GLI3: variants seen among roughly 807,000 people sequenced by gnomAD.
The protein encoded by GLI3 is transcription activator GLI3.
In GLI3, 20 loss-of-function variants were observed where a neutral mutation model predicts 100.8. The ratio of observed to expected loss-of-function variants is 0.20; its 90% CI spans 0.14 to 0.29. The LOEUF is 0.29. GLI3 is among the 10% of genes least tolerant of loss of function. The probability of loss-of-function intolerance (pLI) is 1.00; values close to 1 mark genes in which losing one functional copy is unlikely to be tolerated. For synonymous variants in GLI3, 938 were observed against 860.5 expected, an observed-to-expected ratio of 1.09 and a Z score of -1.58; for missense variants, 2,040 against 2,128.5, an observed-to-expected ratio of 0.96 and a Z score of 0.82.
In GLI3 at chr7:41,978,726, T is replaced by A; in HGVS notation, c.1520A>T (p.His507Leu). 1 of 1,614,022 alleles carries A rather than the reference T, an allele frequency of 6.2e-7. No homozygotes were observed. The highest frequency in any genetic ancestry group is 8.5e-7 in the Non-Finnish European group (1 of 1,179,858). The change falls in exon 11 of 15, where the codon CAT becomes CTT. Residue 507 changes from histidine to leucine, a missense_variant. Coordinates refer to ENST00000395925, the MANE Select transcript of GLI3 (RefSeq NM_000168.6). ...GCACACGAACTCCTTCTTCTCTCCA[T>A]GAATATGGTCGTTATTTATATGCTG... is the stretch of plus-strand genomic sequence containing the variant. The part of the protein sequence containing the change: ...LVHHINNDHI[H>L]GEKKEFVCRW...
intron 1 of GLI3, among the ~76,000 whole-genome samples, chr7:42,231,129 A>G (rs1169783122): frequency 2.0e-5 from 3 of 152,224 alleles, no homozygotes; most frequent in Non-Finnish European, 4.4e-5. Context: ...AGTAAGGCTT[A>G]AGGGAGTATA....
intron 3 of GLI3, among the ~76,000 whole-genome samples, chr7:42,115,766 CAG>C (rs973157175): frequency 3.9e-5 from 6 of 152,140 alleles, no homozygotes; most frequent in African/African-American, 1.4e-4. Context: ...CACAGGTATG[CAG>C]AGTCAGTTTT....
intron 4 of GLI3, among the ~76,000 whole-genome samples, chr7:42,076,247 A>G (rs994527000): frequency 3.3e-5 from 5 of 152,168 alleles, no homozygotes; most frequent in African/African-American, 1.2e-4. Context: ...TCTGTAAACC[A>G]TGTGCTCGAT....
intron 3 of GLI3, among the ~76,000 whole-genome samples, chr7:42,118,780 A>G (rs1320208003): frequency 6.6e-6 from 1 of 152,208 alleles, no homozygotes; most frequent in Non-Finnish European, 1.5e-5. Flanking sequence ...TTGACACAGT[A>G]AGCATAGAAT....
rs1789109439 is a variant in GLI3, at chr7:42,026,252, G to C, written c.1189C>G (p.Pro397Ala). 1 of 1,614,046 alleles carries C rather than the reference G, an allele frequency of 6.2e-7. No individual in the cohort carries two copies. Among genetic ancestry groups the C allele is most frequent in the East Asian group, 2.2e-5 (1 of 44,874 alleles). ...ACCTGGACGGGGTTCAGAACCGTAG[G>C]GATCCCTGGAATAGGCCTCTGTGTT... ...FPTQRPIPGI[P>A]TVLNPVQVSS... The change falls in exon 8 of 15, where the codon CCT becomes GCT. Residue 397 changes from proline to alanine, a missense_variant. This residue lies in a region of GLI3 where 603 missense variants were observed against 690.9 expected (regional missense o/e 0.87). Coordinates refer to ENST00000395925, the MANE Select transcript of GLI3 (RefSeq NM_000168.6).
intron 2 of GLI3, among the ~76,000 whole-genome samples, chr7:42,201,891 G>A (rs527673967): frequency 1.0e-3 from 154 of 152,174 alleles, no homozygotes; most frequent in African/African-American, 3.5e-3. Flanking sequence ...AGACCATCTT[G>A]GCCAACATAG....
At chr7:42,016,055 G>T (rs144081528) in intron 10 of GLI3, among the ~76,000 whole-genome samples, 94 of 152,178 alleles carry the variant, frequency 6.2e-4, no homozygotes, top group African/African-American at 2.2e-3. Context: ...CCACTATAAA[G>T]AACTGGCATC....
intron 1 of GLI3, among the ~76,000 whole-genome samples, chr7:42,252,592 G>T (rs1014535226): frequency 6.6e-6 from 1 of 152,140 alleles, no homozygotes; most frequent in African/African-American, 2.4e-5. Context: ...GAGCAAGCTG[G>T]ATAGAATTTG....
chr7:42,173,769 G>A (rs1037673432), intron 2 of GLI3, among the ~76,000 whole-genome samples: 16 of 152,162 alleles, frequency 1.1e-4, no homozygotes, highest in East Asian at 1.9e-4. Context: ...CTGCAACAGG[G>A]GAGTTACCCA....
At chr7:42,004,947 AT>A (rs1583780026) in intron 10 of GLI3, among the ~76,000 whole-genome samples, 1 of 152,230 alleles carries the variant, frequency 6.6e-6, no homozygotes, top group Admixed American at 6.5e-5. Flanking sequence ...AACAATCCAA[AT>A]TAGGAACAAA....
intron 7 of GLI3, among the ~76,000 whole-genome samples, chr7:42,029,751 A>G (rs922066079): frequency 6.6e-6 from 1 of 152,072 alleles, no homozygotes. Flanking sequence ...ACCTCCTCAG[A>G]GGGGCCTTCT....
intron 4 of GLI3, among the ~76,000 whole-genome samples, chr7:42,062,913 A>G (rs867896736): frequency 2.6e-5 from 4 of 152,190 alleles, no homozygotes; most frequent in Non-Finnish European, 5.9e-5. Context: ...GTATGACTGA[A>G]TATTTTTCAT....
rs1469575834 is a variant in GLI3, at chr7:42,254,117, G to A, written c.-43+9877C>T. On this transcript the variant is annotated intron_variant, in intron 1 of 2. Transcript: ENST00000678978. ...GCCTGTAATCCCAACTACTCAGGAG[G>A]TTGAGGCAAGAGAATCACCTGAACC... 4.6e-5 allele frequency among the ~76,000 whole-genome samples: 7 copies of A among 151,556 alleles called. No homozygotes were observed. In the East Asian group the frequency reaches 1.2e-3, roughly 25 times the overall value.
rs534259103 is a variant in GLI3, at chr7:42,049,483, T to C, written c.474-787A>G. On this transcript the variant is annotated intron_variant, in intron 4 of 14. Transcript: ENST00000395925. ...CGTTCAGTGAGCAGTAGCAACTAAG[T>C]GCTCCCGGGTTAGAAAGTTGGGGAA... Among the ~76,000 whole-genome samples the C allele has an allele frequency of 2.0e-5, 3 of 152,348 alleles. No individual in the cohort carries two copies. In the East Asian group the frequency reaches 5.8e-4, roughly 29 times the overall value.
chr7:42,218,380 T>A (rs750447557), intron 2 of GLI3, among the ~76,000 whole-genome samples: 12 of 151,558 alleles, frequency 7.9e-5, no homozygotes, highest in Non-Finnish European at 1.5e-4. Context: ...GCCATCTGAC[T>A]CCCAGCTAGA....
rs780590855 is a variant in GLI3 at position 42,023,626 on chromosome 7, G to C, written c.1357-18C>G. 2.5e-6 allele frequency: 4 copies of C among 1,595,324 alleles called. No homozygotes were observed. The highest frequency in any genetic ancestry group is 2.7e-5 in the African/African-American group (2 of 74,608). On this transcript the variant is annotated intron_variant, in intron 9 of 14. Coordinates refer to ENST00000395925, the MANE Select transcript of GLI3 (RefSeq NM_000168.6). ...GGCTGTTCCTGAAAGAAGAGGGTGG[G>C]GGGCAGGGAACAGAGAAGGGGGAAG...
intron 3 of GLI3, among the ~76,000 whole-genome samples, chr7:42,141,607 G>A (rs1439298977): frequency 6.6e-6 from 1 of 152,130 alleles, no homozygotes; most frequent in Non-Finnish European, 1.5e-5. Flanking sequence ...GGGAGGCGGA[G>A]GTTGCGGTGA....
intron 3 of GLI3, among the ~76,000 whole-genome samples, chr7:42,085,153 A>C (rs1467597233): frequency 6.6e-6 from 1 of 152,054 alleles, no homozygotes; most frequent in African/African-American, 2.4e-5. Context: ...AAATGAAAGC[A>C]GAAGAGGAAA....
At chr7:41,984,080 T>G (rs1052030220) in intron 10 of GLI3, among the ~76,000 whole-genome samples, 1 of 152,212 alleles carries the variant, frequency 6.6e-6, no homozygotes, top group African/African-American at 2.4e-5. Flanking sequence ...AGGTGCTTCT[T>G]TCTTTTAACG....
Sources: gnomAD v4.1 joint callset for allele counts (sites outside exome capture counted in the v4.1 genomes callset) on GRCh38, gnomAD v4.1.1 for gene constraint, gnomAD v4.1.1 regional missense constraint, MANE v1.5 for transcripts, NCBI Gene and HGNC (gene_info 2026-07-23, HGNC 2026-07-21) for gene names.